Variants in STAB2 observed in about 807,000 individuals in gnomAD.
STAB2 encodes stabilin 2.
A neutral mutation model predicts 338.1 loss-of-function variants in STAB2; 288 were observed. The ratio of observed to expected loss-of-function variants is 0.85; its 90% confidence interval spans 0.77 to 0.94. The LOEUF (loss-of-function observed/expected upper bound fraction) is 0.94. STAB2 is among the 40% of genes least tolerant of loss of function. STAB2 has a pLI of 0.00. For missense variants in STAB2, 3,141 were observed against 3,210.1 expected, an observed-to-expected ratio of 0.98 and a Z score of 0.52; for synonymous variants, 1,202 against 1,193.3, an observed-to-expected ratio of 1.01 and a Z score of -0.15.
At position 103,631,667 on chromosome 12, in the gene STAB2, C is replaced by T. The variant is rs774108715; in HGVS notation, c.557C>T (p.Ala186Val). ...GATGGAACCTGTGAGTGCTACTCTG[C>T]GTACACTGGCCCCAAGTGTGACAAG... ...DGDGTCECYS[A>V]YTGPKCDKPI... The change falls in exon 6 of 69, where the codon GCG (alanine) becomes GTG (valine). Residue 186 changes from alanine (A) to valine (V), a missense_variant. By Grantham distance (64) the Ala-to-Val change is moderately conservative (BLOSUM62 0). Coordinates refer to ENST00000388887, the MANE Select transcript of STAB2 (RefSeq NM_017564.10). 11 of 1,614,032 alleles carry T rather than the reference C, an allele frequency of 6.8e-6. No homozygotes were observed. The highest frequency in any genetic ancestry group is 5.3e-5 in the African/African-American group (4 of 74,910).
At chr12:103,626,987 T>C (rs916177418) in intron 5 of STAB2, among the ~76,000 whole-genome samples, 1 of 152,196 alleles carries the variant, frequency 6.6e-6, no homozygotes, top group African/African-American at 2.4e-5. Context: ...CATGTACTGT[T>C]AAGAAGAGTC....
chr12:103,621,677 C>T (rs894939022), intron 4 of STAB2, among the ~76,000 whole-genome samples: 1 of 152,174 alleles, frequency 6.6e-6, no homozygotes, highest in Non-Finnish European at 1.5e-5. Flanking sequence ...GAGCCGAGAT[C>T]GTGCCACTGC....
intron 59 of STAB2, among the ~76,000 whole-genome samples, 163 bp downstream of exon 59, chr12:103,749,319 GT>G (rs767978364): frequency 3.3e-5 from 5 of 152,176 alleles, no homozygotes; most frequent in Non-Finnish European, 7.3e-5. Context: ...ATGCAAGGTA[GT>G]CCCCTAGGCA....
intron 37 of STAB2, among the ~76,000 whole-genome samples, chr12:103,705,994 G>C (rs978017735): frequency 2.6e-5 from 4 of 152,230 alleles, no homozygotes; most frequent in African/African-American, 9.7e-5. Context: ...GGACCACCCT[G>C]TTCTCACAAC....
At chr12:103,696,985 G>A (rs1211019836) in intron 33 of STAB2, among the ~76,000 whole-genome samples, 1 of 152,156 alleles carries the variant, frequency 6.6e-6, no homozygotes, top group Non-Finnish European at 1.5e-5. Context: ...TGACACGATT[G>A]AACTGAAAAC....
chr12:103,703,936 G>T (rs1176625232), intron 35 of STAB2, among the ~76,000 whole-genome samples: 1 of 152,204 alleles, frequency 6.6e-6, no homozygotes, highest in East Asian at 1.9e-4. Flanking sequence ...AAGTGAGCCA[G>T]AGAGGTTAAC....
At chr12:103,629,426 T>C (rs1453951639) in intron 5 of STAB2, among the ~76,000 whole-genome samples, 1 of 152,192 alleles carries the variant, frequency 6.6e-6, no homozygotes, top group Admixed American at 6.5e-5. Context: ...GGTTTGACCA[T>C]TGGTGCTCTC....
chr12:103,742,440 CG>C lies in STAB2; in HGVS notation c.5921del (p.Gly1974ValfsTer151). 8.7e-6 allele frequency: 14 copies of C among 1,614,094 alleles called. No homozygotes were observed. The highest frequency in any genetic ancestry group is 1.2e-5 in the Non-Finnish European group (14 of 1,180,012). On this transcript the variant is annotated frameshift_variant, in exon 56 of 69. Coordinates refer to ENST00000388887, the MANE Select transcript of STAB2 (RefSeq NM_017564.10). LOFTEE classifies it high-confidence loss of function. ...AGGACCAGATGCCCCGTGTAATAAC[CG>C]GGGTGTCTGCCTTGATCAGTACTCG... Reference protein sequence around the residue: ...PGGPDAPCNNRGVCLDQYSAT... With the variant: ...PGGPDAPCNNXGVCLDQYSAT...
chr12:103,697,850 G>A (rs1024611623), intron 33 of STAB2, among the ~76,000 whole-genome samples: 3 of 152,196 alleles, frequency 2.0e-5, no homozygotes, highest in African/African-American at 4.8e-5. Flanking sequence ...TTTCTAAAAT[G>A]TATAAACCTA....
At chr12:103,751,411 A>G (rs1284340253) in intron 60 of STAB2, among the ~76,000 whole-genome samples, 2 of 152,146 alleles carry the variant, frequency 1.3e-5, no homozygotes, top group Non-Finnish European at 2.9e-5. Flanking sequence ...CTAACAATGG[A>G]CACAGAATAG....
chr12:103,681,019 T>G (rs1361692785), intron 25 of STAB2, among the ~76,000 whole-genome samples: 1 of 152,186 alleles, frequency 6.6e-6, no homozygotes, highest in African/African-American at 2.4e-5. Flanking sequence ...GACAAACCTA[T>G]GTATAACGCT....
chr12:103,716,174 A>G (rs1343715594), intron 43 of STAB2, among the ~76,000 whole-genome samples: 1 of 151,964 alleles, frequency 6.6e-6, no homozygotes, highest in African/African-American at 2.4e-5. Flanking sequence ...CCCCTAAAAT[A>G]CTCCACTTTC....
At chr12:103,740,925 C>T (rs1272141562) in intron 55 of STAB2, among the ~76,000 whole-genome samples, 169 bp downstream of exon 55, 1 of 152,150 alleles carries the variant, frequency 6.6e-6, no homozygotes, top group East Asian at 1.9e-4. Flanking sequence ...TCTACTTTGG[C>T]ATATTTTTTT....
chr12:103,695,769 C>T lies in STAB2; in HGVS notation c.3507C>T (p.Ala1169=), dbSNP rs756891521. 6.2e-7 allele frequency: 1 copy of T among 1,614,036 alleles called. No homozygotes were observed. Among genetic ancestry groups the T allele is most frequent in the South Asian group, 1.1e-5 (1 of 91,064 alleles). ...ATCTGGCGAATGCAATTGAGGCTGC[C>T]GATGCCTACACAGTGTTTGCTCCAA... is the stretch of plus-strand genomic sequence containing the variant. ...QYNLANAIEA[A]DAYTVFAPNN... The change falls in exon 33 of 69, where the codon GCC becomes GCT. Residue 1169 remains alanine (A), a synonymous_variant. Transcript: ENST00000388887.
intron 3 of STAB2, among the ~76,000 whole-genome samples, chr12:103,594,816 T>G (rs1411003942): frequency 1.3e-5 from 2 of 152,180 alleles, no homozygotes; most frequent in East Asian, 3.8e-4. Context: ...ACCTGGGCTA[T>G]TAGGACCCCC....
chr12:103,674,673 A>T (rs187705918), intron 23 of STAB2, among the ~76,000 whole-genome samples: 1 of 152,300 alleles, frequency 6.6e-6, no homozygotes, highest in East Asian at 1.9e-4. Context: ...TGAGGGGGAA[A>T]ATGCCAGAGG....
intron 22 of STAB2, among the ~76,000 whole-genome samples, chr12:103,671,440 T>C (rs1875778312): frequency 6.6e-6 from 1 of 151,884 alleles, no homozygotes; most frequent in Non-Finnish European, 1.5e-5. Flanking sequence ...GACAGTGAGA[T>C]TCCATCTGAA....
At chr12:103,731,390 G>A (rs150932514) in intron 49 of STAB2, among the ~76,000 whole-genome samples, 186 bp from the exon 50 acceptor site, 166 of 152,278 alleles carry the variant, frequency 1.1e-3, no homozygotes, top group Middle Eastern at 3.4e-3. Flanking sequence ...AAAAAGTAGC[G>A]CTTAGCCTAC....
At chr12:103,644,010 C>A (rs1873136363) in intron 9 of STAB2, among the ~76,000 whole-genome samples, 1 of 93,224 alleles carries the variant, frequency 1.1e-5, no homozygotes, top group East Asian at 2.4e-4. Flanking sequence ...TCTGCCCAGC[C>A]ACCACCCCGT....
Sources: allele counts gnomAD v4.1 joint callset (sites outside exome capture counted in the v4.1 genomes callset), GRCh38; gene constraint gnomAD v4.1.1; transcripts MANE v1.5; gene names NCBI Gene and HGNC (gene_info 2026-07-23, HGNC 2026-07-21).